The following CC2D2A variants were observed in gnomAD, a reference collection of about 807,000 sequenced individuals.
The protein encoded by CC2D2A is coiled-coil and C2 domain containing 2A, also known as coiled-coil and C2 domain-containing protein 2A.
In CC2D2A, 155 loss-of-function variants were observed where a neutral mutation model predicts 212.9. The observed-to-expected ratio is 0.73, with a 90% CI of 0.64 to 0.83. CC2D2A has a LOEUF of 0.83. Among genes scored for constraint, CC2D2A ranks in the 40% least tolerant of loss-of-function variants. The pLI is 0.00. For synonymous variants in CC2D2A, 667 were observed against 686.5 expected (o/e 0.97, Z 0.44); for missense variants, 1,856 against 1,956.2 (o/e 0.95, Z 0.97).
chr4:15,533,389 T>C, intron 14 of CC2D2A, 56 bp downstream of exon 14: 2 of 1,252,384 alleles, frequency 1.6e-6, no homozygotes, highest in Admixed American at 3.1e-5. Flanking sequence ...AAGAAAAATG[T>C]ATAAAACATG....
rs149360995 is a variant in CC2D2A at position 15,593,624 on chromosome 4, T to TC, written c.4315-2458dup. On this transcript the variant is annotated intron_variant, in intron 33 of 36. Coordinates refer to ENST00000424120, the MANE Select transcript of CC2D2A (RefSeq NM_001378615.1). The stretch of plus-strand genomic sequence containing the variant: ...ACTCCTGATTCCCCTTTGCAGTCTT[T>TC]CCCATCTCAATAAATGTCAATTTCA... Among the ~76,000 whole-genome samples, 646 of 152,314 alleles carry TC rather than the reference T, an allele frequency of 4.2e-3. 4 individuals carry two copies. The highest frequency in any genetic ancestry group is 0.017 in the Middle Eastern group (5 of 294).
At chr4:15,487,513 T>C (rs1715062341) in intron 4 of CC2D2A, among the ~76,000 whole-genome samples, 1 of 152,136 alleles carries the variant, frequency 6.6e-6, no homozygotes, top group Admixed American at 6.5e-5. Flanking sequence ...TACCCCTTTA[T>C]TTTCAGTCTA....
intron 17 of CC2D2A, among the ~76,000 whole-genome samples, chr4:15,550,564 C>T (rs1056928771): frequency 2.6e-5 from 4 of 152,190 alleles, no homozygotes; most frequent in South Asian, 2.1e-4. Flanking sequence ...CAATTATCCT[C>T]GCCTGCTACT....
At chr4:15,510,789 A>G (rs1560157409) in intron 7 of CC2D2A, among the ~76,000 whole-genome samples, 3 of 152,196 alleles carry the variant, frequency 2.0e-5, no homozygotes, top group Non-Finnish European at 4.4e-5. Flanking sequence ...TCAGCTCTGA[A>G]GTTGCCCCGG....
intron 4 of CC2D2A, among the ~76,000 whole-genome samples, chr4:15,491,947 T>A (rs6827355): frequency 0.059 from 9,006 of 152,276 alleles, 755 homozygotes; most frequent in African/African-American, 0.18. Flanking sequence ...TATCTAAAAA[T>A]TAATTGCCCA....
At chr4:15,551,667 T>C (rs924990184) in intron 18 of CC2D2A, among the ~76,000 whole-genome samples, 1 of 152,194 alleles carries the variant, frequency 6.6e-6, no homozygotes, top group Non-Finnish European at 1.5e-5. Flanking sequence ...CAGCTTTTTT[T>C]CCTTTCCTCA....
rs762713109 is a variant in CC2D2A at position 15,567,456 on chromosome 4, C to G, written c.3262C>G (p.His1088Asp). The G allele has an allele frequency of 6.2e-7, 1 of 1,613,558 alleles. No homozygotes were observed. The highest frequency in any genetic ancestry group is 8.5e-7 in the Non-Finnish European group (1 of 1,179,702). ...AASPSTYSPT[H>D]NADYPLGQVL... ...TTCCCCAAGCACGTACAGCCCAACCCACAATGCTGACTACCCCCTCGGCCA... is the reference window on the plus strand; with the variant it reads ...TTCCCCAAGCACGTACAGCCCAACCGACAATGCTGACTACCCCCTCGGCCA... The change falls in exon 25 of 37, where the codon CAC (histidine) becomes GAC (aspartate). Residue 1088 changes from histidine to aspartate, a missense_variant. Around this residue, in one of 5 missense-constraint regions of CC2D2A, gnomAD observed 1,512 missense variants for 1,579.3 expected, o/e 0.96. Transcript: ENST00000424120.
chr4:15,570,764 G>A (rs1708980519), intron 28 of CC2D2A, among the ~76,000 whole-genome samples: 1 of 150,992 alleles, frequency 6.6e-6, no homozygotes, highest in South Asian at 2.1e-4. Flanking sequence ...GCTGAGGCAG[G>A]AGAATCGCTT....
chr4:15,573,817 CTATTAT>C (rs1253173049), intron 28 of CC2D2A, among the ~76,000 whole-genome samples: 1 of 152,186 alleles, frequency 6.6e-6, no homozygotes, highest in Non-Finnish European at 1.5e-5. Flanking sequence ...AAAGTAGATA[CTATTAT>C]TGTCTCTTTT....
At chr4:15,484,066 T>C (rs1714859594) in intron 4 of CC2D2A, among the ~76,000 whole-genome samples, 1 of 151,406 alleles carries the variant, frequency 6.6e-6, no homozygotes, top group South Asian at 2.1e-4. Flanking sequence ...GTGGGAGGGA[T>C]GAGAGGAAAA....
At chr4:15,479,476 C>A in intron 3 of CC2D2A, 1 of 691,706 alleles carries the variant, frequency 1.4e-6, no homozygotes, top group South Asian at 1.7e-5. Context: ...CGTGAAGGGG[C>A]TGCAGAGAGG....
intron 17 of CC2D2A, among the ~76,000 whole-genome samples, chr4:15,544,434 T>C (rs530725928): frequency 4.7e-4 from 72 of 152,074 alleles, no homozygotes; most frequent in African/African-American, 1.7e-3. Flanking sequence ...AAGATTAACA[T>C]GAGAAGACCG....
chr4:15,487,315 G>A (rs913945663), intron 4 of CC2D2A, among the ~76,000 whole-genome samples: 2 of 151,968 alleles, frequency 1.3e-5, no homozygotes, highest in East Asian at 1.9e-4. Flanking sequence ...TATATATCTG[G>A]GTGTCCCAGT....
intron 4 of CC2D2A, among the ~76,000 whole-genome samples, chr4:15,494,987 G>T (rs552641780): frequency 2.0e-5 from 3 of 152,292 alleles, no homozygotes; most frequent in Admixed American, 6.5e-5. Context: ...CATATTGAGG[G>T]TGGGGGTTTG....
At chr4:15,590,451 G>A (rs1246355410) in intron 33 of CC2D2A, among the ~76,000 whole-genome samples, 1 of 152,170 alleles carries the variant, frequency 6.6e-6, no homozygotes, top group Non-Finnish European at 1.5e-5. Flanking sequence ...GGAGGCAGAG[G>A]TTGCAACGAG....
intron 33 of CC2D2A, among the ~76,000 whole-genome samples, chr4:15,591,407 C>T (rs1464835796): frequency 2.6e-5 from 4 of 151,756 alleles, no homozygotes; most frequent in Non-Finnish European, 4.4e-5. Flanking sequence ...TTAGTAGAGA[C>T]GGGGTTTCTC....
intron 4 of CC2D2A, among the ~76,000 whole-genome samples, chr4:15,490,602 T>A (rs1268531862): frequency 6.6e-6 from 1 of 152,224 alleles, no homozygotes; most frequent in Non-Finnish European, 1.5e-5. Context: ...ACAGTGTTGC[T>A]GTGAACACTT....
intron 35 of CC2D2A, among the ~76,000 whole-genome samples, chr4:15,599,003 GA>G (rs935090456): frequency 6.6e-5 from 10 of 150,424 alleles, no homozygotes; most frequent in Non-Finnish European, 1.3e-4. Context: ...CTATAAAAAA[GA>G]AAAAAAAATT....
At chr4:15,491,424 G>T (rs1344470394) in intron 4 of CC2D2A, among the ~76,000 whole-genome samples, 1 of 152,040 alleles carries the variant, frequency 6.6e-6, no homozygotes, top group African/African-American at 2.4e-5. Context: ...GCTTGTTTGA[G>T]ACATGAGTCT....
Sources: allele counts gnomAD v4.1 joint callset (sites outside exome capture counted in the v4.1 genomes callset), GRCh38; gene constraint gnomAD v4.1.1; regional missense constraint gnomAD v4.1.1; transcripts MANE v1.5; gene names NCBI Gene and HGNC (gene_info 2026-07-23, HGNC 2026-07-21).